The following ZFHX3 variants were observed in gnomAD, a reference collection of about 807,000 sequenced individuals.
The protein encoded by ZFHX3 is zinc finger homeobox protein 3.
A neutral mutation model predicts 279.1 loss-of-function variants in ZFHX3; 42 were observed. That is an observed-to-expected ratio of 0.15 (90% CI 0.12 to 0.19). The LOEUF is 0.19. Among genes scored for constraint, ZFHX3 ranks in the 10% least tolerant of loss-of-function variants. The probability of loss-of-function intolerance (pLI) is 1.00; values close to 1 mark genes in which losing one functional copy is unlikely to be tolerated. For synonymous variants in ZFHX3, 2,293 were observed against 1,957.8 expected, an observed-to-expected ratio of 1.17 and a Z score of -4.52; for missense variants, 4,981 against 4,754.0, an observed-to-expected ratio of 1.05 and a Z score of -1.40.
At chr16:73,751,150 C>A (rs891655202) in intron 1 of ZFHX3, among the ~76,000 whole-genome samples, 4 of 152,164 alleles carry the variant, frequency 2.6e-5, no homozygotes, top group African/African-American at 4.8e-5. Flanking sequence ...TCAAAAGATA[C>A]GGACTGAGGA....
upstream of ZFHX3, chr16:73,061,964 CTTA>C (rs1965689664): frequency 6.6e-6 from 1 of 151,902 alleles, no homozygotes; most frequent in Non-Finnish European, 1.5e-5. Flanking sequence ...CTGGTAAATA[CTTA>C]TGCTAATTTT....
At chr16:73,613,449 T>G (rs551189460) in intron 2 of ZFHX3, among the ~76,000 whole-genome samples, 1 of 146,442 alleles carries the variant, frequency 6.8e-6, no homozygotes, top group Non-Finnish European at 1.5e-5. Flanking sequence ...TTTTTTTGTT[T>G]GTTTGTTTTT....
chr16:73,427,865 C>T (rs1288640063), intron 3 of ZFHX3, among the ~76,000 whole-genome samples: 3 of 152,004 alleles, frequency 2.0e-5, no homozygotes, highest in African/African-American at 7.2e-5. Flanking sequence ...ATCACTGGAA[C>T]CCGGGAGGCA....
In ZFHX3 at chr16:72,958,375, C is replaced by G. The variant is rs767435394; in HGVS notation, c.1771G>C (p.Ala591Pro). 3 of 1,614,150 alleles carry G rather than the reference C, an allele frequency of 1.9e-6. No homozygotes were observed. The highest frequency in any genetic ancestry group is 1.7e-6 in the Non-Finnish European group (2 of 1,180,024). The change falls in exon 2 of 10, where the codon GCT becomes CCT. Residue 591 changes from alanine (A) to proline (P), a missense_variant. By Grantham distance (27) the Ala-to-Pro change is conservative (BLOSUM62 -1). This residue lies in a region of ZFHX3 where 1,068 missense variants were observed against 935.2 expected (regional missense o/e 1.14). Coordinates refer to ENST00000268489, the MANE Select transcript of ZFHX3 (RefSeq NM_006885.4). ...TTGTCTTTATTGGCACTTTCGTCAG[C>G]GAAGTCCAGCCTCCTGCCGCCCTCT... The part of the protein sequence containing the change: ...VAEGGRRLDF[A>P]DESANKDNAT...
At chr16:73,813,725 T>C (rs2244324) in intron 1 of ZFHX3, 1 of 152,106 alleles carries the variant, frequency 6.6e-6, no homozygotes, top group Non-Finnish European at 1.5e-5. Context: ...GCCGTGCCAA[T>C]GGTCATTAGC....
chr16:73,145,450 TGGG>T (rs1597181292), intron 5 of ZFHX3, among the ~76,000 whole-genome samples: 1 of 152,108 alleles, frequency 6.6e-6, no homozygotes, highest in African/African-American at 2.4e-5. Context: ...GACCTTACCC[TGGG>T]GGGAGGGGGC....
At chr16:72,967,456 G>GA (rs995787602) in intron 1 of ZFHX3, among the ~76,000 whole-genome samples, 12 of 146,804 alleles carry the variant, frequency 8.2e-5, no homozygotes, top group East Asian at 2.0e-4. Flanking sequence ...CCTACTTTAA[G>GA]AAAAAAAAAA....
At chr16:73,825,506 GTT>G (rs1960865637) in intron 1 of ZFHX3, among the ~76,000 whole-genome samples, 1 of 132,996 alleles carries the variant, frequency 7.5e-6, no homozygotes, top group Admixed American at 7.1e-5. Flanking sequence ...GTAATGCCTG[GTT>G]TTCTTCTAGG....
At chr16:72,838,787 C>T (rs989695399) in intron 4 of ZFHX3, among the ~76,000 whole-genome samples, 4 of 152,250 alleles carry the variant, frequency 2.6e-5, no homozygotes, top group South Asian at 2.1e-4. Flanking sequence ...TTAGCAAAAG[C>T]ACCTGGGTTG....
At chr16:73,750,520 G>A (rs2053752437) in intron 1 of ZFHX3, among the ~76,000 whole-genome samples, 1 of 152,110 alleles carries the variant, frequency 6.6e-6, no homozygotes, top group Non-Finnish European at 1.5e-5. Context: ...ACACAATGAG[G>A]CACTGGTTGA....
chr16:72,951,686 T>C (rs1016053135), intron 2 of ZFHX3, among the ~76,000 whole-genome samples: 1 of 152,230 alleles, frequency 6.6e-6, no homozygotes, highest in African/African-American at 2.4e-5. Context: ...GAGTCACAGC[T>C]GCAATCGTAA....
chr16:73,566,768 G>A (rs959188476), intron 2 of ZFHX3, among the ~76,000 whole-genome samples: 9 of 150,072 alleles, frequency 6.0e-5, no homozygotes, highest in African/African-American at 9.9e-5. Flanking sequence ...GCGCGATCTC[G>A]GCTCACTGCA....
At chr16:73,723,157 C>T (rs2639307) in intron 1 of ZFHX3, among the ~76,000 whole-genome samples, 69,698 of 152,102 alleles carry the variant, frequency 0.46, 18,643 homozygotes, top group East Asian at 0.66. Context: ...CCATTGGCCA[C>T]GGACTGATCT....
intron 3 of ZFHX3, among the ~76,000 whole-genome samples, chr16:72,894,528 G>C (rs543022022): frequency 6.6e-6 from 1 of 152,306 alleles, no homozygotes; most frequent in South Asian, 2.1e-4. Flanking sequence ...CAGTGGTAGG[G>C]AGTGTGCTAA....
chr16:72,947,127 C>A (rs144102200), intron 3 of ZFHX3, among the ~76,000 whole-genome samples: 1 of 152,206 alleles, frequency 6.6e-6, no homozygotes, highest in Non-Finnish European at 1.5e-5. Flanking sequence ...CCAAGGATTT[C>A]AATCAGGAGC....
intron 3 of ZFHX3, among the ~76,000 whole-genome samples, chr16:73,373,971 T>C (rs2016677603): frequency 1.3e-5 from 2 of 152,224 alleles, no homozygotes; most frequent in Non-Finnish European, 2.9e-5. Context: ...AAATCAAAGC[T>C]ACATAGTACG....
chr16:72,855,314 C>T (rs1597314240), intron 4 of ZFHX3, among the ~76,000 whole-genome samples: 3 of 152,308 alleles, frequency 2.0e-5, no homozygotes, highest in East Asian at 3.9e-4. Context: ...AACGCTGGAG[C>T]GCGTGCACGC....
intron 5 of ZFHX3, among the ~76,000 whole-genome samples, chr16:73,199,220 G>A (rs575674897): frequency 3.9e-5 from 6 of 152,234 alleles, no homozygotes; most frequent in African/African-American, 1.4e-4. Flanking sequence ...CAACGTGGCT[G>A]GTCCCTCGTA....
chr16:72,788,863 G>C lies in ZFHX3; in HGVS notation c.9428-15C>G. The C allele has an allele frequency of 6.6e-7, 1 of 1,516,072 alleles. No homozygotes were observed. Among genetic ancestry groups the C allele is most frequent in the Non-Finnish European group, 8.8e-7 (1 of 1,134,240 alleles). The allele number at this position is 1,516,072 out of a possible 1,614,324, so 93.9% of individuals were successfully genotyped here. A position where few individuals can be genotyped will look rare whatever the true frequency, so the allele number is the denominator to read the frequency against. ...AGACGTTAAAGCTGAAAGGAATGGA[G>C]ACAGAAATCACCGGTCAGTCTGGGC... On this transcript the variant is annotated splice_polypyrimidine_tract_variant and intron_variant, in intron 9 of 9. Transcript: ENST00000268489.
Sources: gnomAD v4.1 joint callset for allele counts (sites outside exome capture counted in the v4.1 genomes callset) on GRCh38, gnomAD v4.1.1 for gene constraint, gnomAD v4.1.1 regional missense constraint, MANE v1.5 for transcripts, NCBI Gene and HGNC (gene_info 2026-07-23, HGNC 2026-07-21) for gene names.